CHSY3: variants seen among roughly 807,000 people sequenced by gnomAD.
The protein encoded by CHSY3 is N-acetylgalactosaminyl-proteoglycan 3-beta-glucuronosyltransferase 3.
In CHSY3, 35 loss-of-function variants were observed where a neutral mutation model predicts 67.2. That is an observed-to-expected ratio of 0.52 (90% CI 0.40 to 0.69). The LOEUF (loss-of-function observed/expected upper bound fraction) is 0.69. Ranked by LOEUF, CHSY3 falls within the 30% of genes least tolerant of loss-of-function variation. CHSY3 has a pLI of 0.00. For missense variants in CHSY3, 1,069 were observed against 1,138.5 expected, an observed-to-expected ratio of 0.94 and a Z score of 0.88; for synonymous variants, 474 against 434.7, an observed-to-expected ratio of 1.09 and a Z score of -1.12.
At chr5:130,055,631 C>A (rs996518400) in intron 2 of CHSY3, among the ~76,000 whole-genome samples, 1 of 151,942 alleles carries the variant, frequency 6.6e-6, no homozygotes, top group Non-Finnish European at 1.5e-5. Context: ...GACACATACA[C>A]CCTAGTAGTA....
chr5:130,118,895 A>T (rs1767913284), intron 2 of CHSY3, among the ~76,000 whole-genome samples: 1 of 152,152 alleles, frequency 6.6e-6, no homozygotes, highest in Admixed American at 6.5e-5. Context: ...ACATACTGAT[A>T]GGAGGAAGGA....
intron 2 of CHSY3, among the ~76,000 whole-genome samples, chr5:129,956,878 A>T (rs1342102308): frequency 1.3e-5 from 2 of 152,026 alleles, no homozygotes; most frequent in Non-Finnish European, 2.9e-5. Flanking sequence ...TCTTTAGTAT[A>T]GCTTGAAGAC....
chr5:130,066,802 C>T (rs1346698217), intron 2 of CHSY3, among the ~76,000 whole-genome samples: 1 of 152,078 alleles, frequency 6.6e-6, no homozygotes, highest in Non-Finnish European at 1.5e-5. Context: ...AACACAAAAG[C>T]AAGCCTCACT....
At chr5:130,055,235 C>T (rs1765491123) in intron 2 of CHSY3, among the ~76,000 whole-genome samples, 1 of 150,320 alleles carries the variant, frequency 6.7e-6, no homozygotes, top group Non-Finnish European at 1.5e-5. Context: ...GTGTTTTTGA[C>T]ATGCCCTCCT....
chr5:130,076,747 G>A (rs888676913), intron 2 of CHSY3, among the ~76,000 whole-genome samples: 17 of 151,900 alleles, frequency 1.1e-4, no homozygotes, highest in African/African-American at 2.4e-5. Context: ...AAACTTTTGG[G>A]AGTAAGGGGT....
chr5:130,012,613 CT>C (rs1764099728), intron 2 of CHSY3, among the ~76,000 whole-genome samples: 2 of 152,218 alleles, frequency 1.3e-5, no homozygotes, highest in South Asian at 4.1e-4. Flanking sequence ...ATTCCAGATG[CT>C]TATAATCCAT....
chr5:130,102,850 CCTT>C (rs1452691280), intron 2 of CHSY3, among the ~76,000 whole-genome samples: 1 of 152,042 alleles, frequency 6.6e-6, no homozygotes, highest in African/African-American at 2.4e-5. Flanking sequence ...TATTTATACA[CCTT>C]CTCTCCTACA....
At chr5:130,063,303 T>C (rs1765770996) in intron 2 of CHSY3, among the ~76,000 whole-genome samples, 1 of 152,140 alleles carries the variant, frequency 6.6e-6, no homozygotes, top group African/African-American at 2.4e-5. Flanking sequence ...AAGCCTTTTG[T>C]CTTCAACTTT....
chr5:130,090,647 G>A (rs558485419), intron 2 of CHSY3, among the ~76,000 whole-genome samples: 32 of 152,204 alleles, frequency 2.1e-4, no homozygotes, highest in Middle Eastern at 3.4e-3. Flanking sequence ...CATGTATCAC[G>A]TTGTTGCATT....
In CHSY3 at chr5:129,972,414, C is replaced by T. The variant is rs374882965; in HGVS notation, c.1086+64054C>T. 7.9e-5 allele frequency among the ~76,000 whole-genome samples: 12 copies of T among 152,090 alleles called. No homozygotes were observed. In the East Asian group the frequency reaches 2.1e-3, roughly 27 times the overall value. On this transcript the variant is annotated intron_variant, in intron 2 of 2. Transcript: ENST00000305031. ...TGCAGTTATGCAAGCCCAGTTTAGT[C>T]CTCTCAGTCACATATAGATATATGT...
At chr5:129,948,947 A>G (rs779226324) in intron 2 of CHSY3, among the ~76,000 whole-genome samples, 1 of 152,104 alleles carries the variant, frequency 6.6e-6, no homozygotes, top group African/African-American at 2.4e-5. Flanking sequence ...TGTTTTCTAT[A>G]GTGGTTGGGC....
At chr5:129,985,543 T>G (rs1448073696) in intron 2 of CHSY3, among the ~76,000 whole-genome samples, 1 of 152,182 alleles carries the variant, frequency 6.6e-6, no homozygotes, top group African/African-American at 2.4e-5. Context: ...TTCTGAATTA[T>G]TTTTTCACAT....
chr5:129,976,819 T>C (rs1051490419), intron 2 of CHSY3, among the ~76,000 whole-genome samples: 1 of 151,668 alleles, frequency 6.6e-6, no homozygotes, highest in Admixed American at 6.6e-5. Flanking sequence ...ACAGGCTCTG[T>C]CTGGGGGGTT....
intron 2 of CHSY3, among the ~76,000 whole-genome samples, chr5:130,048,701 A>G (rs1279985234): frequency 6.6e-6 from 1 of 151,154 alleles, no homozygotes; most frequent in Non-Finnish European, 1.5e-5. Context: ...TCTTTTTCTT[A>G]TTTATTCTTG....
intron 2 of CHSY3, among the ~76,000 whole-genome samples, chr5:130,178,253 A>ATATATTTTTTTTTTTTTT (rs1205782386): frequency 6.5e-5 from 3 of 45,912 alleles, no homozygotes; most frequent in Non-Finnish European, 1.1e-4. Context: ...ATATATATAT[A>ATATATTTTTTTTTTTTTT]TTTTTTTTTT....
At chr5:130,153,412 A>G (rs1580785112) in intron 2 of CHSY3, among the ~76,000 whole-genome samples, 2 of 152,218 alleles carry the variant, frequency 1.3e-5, no homozygotes, top group Admixed American at 1.3e-4. Flanking sequence ...TCAAAACATC[A>G]TTCTCTCTCA....
chr5:129,942,074 C>G (rs1438957911), intron 2 of CHSY3, among the ~76,000 whole-genome samples: 2 of 152,214 alleles, frequency 1.3e-5, no homozygotes, highest in East Asian at 3.9e-4. Flanking sequence ...ATTCCTTCCC[C>G]CAGGGTATAG....
At chr5:130,137,835 G>A (rs10463509) in intron 2 of CHSY3, among the ~76,000 whole-genome samples, 29,978 of 152,090 alleles carry the variant, frequency 0.2, 3,731 homozygotes, top group African/African-American at 0.33. Flanking sequence ...ACGTCTGGAG[G>A]GAGTTTATAC....
rs544188208 is a variant in CHSY3, at chr5:130,124,316, G to A, written c.1087-59913G>A. ...TCTTCCCTCTGTAATCTCTGCCCCT[G>A]AATCTTCTTCAGCTATTCTTCTGAG... On this transcript the variant is annotated intron_variant, in intron 2 of 2. Coordinates refer to ENST00000305031, the MANE Select transcript of CHSY3 (RefSeq NM_175856.5). 3.1e-3 allele frequency among the ~76,000 whole-genome samples: 479 copies of A among 152,118 alleles called. 5 individuals are homozygous for A. The highest frequency in any genetic ancestry group is 0.011 in the African/African-American group (456 of 41,460).
Sources: allele counts gnomAD v4.1 joint callset (sites outside exome capture counted in the v4.1 genomes callset), GRCh38; gene constraint gnomAD v4.1.1; transcripts MANE v1.5; gene names NCBI Gene and HGNC (gene_info 2026-07-23, HGNC 2026-07-21).